Variants in CACNA2D3 observed in about 807,000 individuals in gnomAD.
CACNA2D3 encodes calcium voltage-gated channel auxiliary subunit alpha2delta 3.
Under a neutral mutation model 160.6 loss-of-function variants are expected in CACNA2D3, and 60 were observed. The ratio of observed to expected loss-of-function variants is 0.37; its 90% confidence interval spans 0.30 to 0.46. CACNA2D3 has a LOEUF of 0.46. CACNA2D3 is among the 20% of genes least tolerant of loss of function. CACNA2D3 has a pLI of 1.00. For synonymous variants in CACNA2D3, 558 were observed against 492.9 expected (o/e 1.13, Z -1.75); for missense variants, 1,205 against 1,365.0 (o/e 0.88, Z 1.85).
chr3:54,674,185 C>T (rs1352783721), intron 11 of CACNA2D3, among the ~76,000 whole-genome samples: 2 of 152,186 alleles, frequency 1.3e-5, no homozygotes, highest in African/African-American at 2.4e-5. Context: ...TTTTAGCCAG[C>T]AAAAGCTTTG....
chr3:54,942,865 A>G (rs548959377), intron 27 of CACNA2D3, among the ~76,000 whole-genome samples: 5 of 152,230 alleles, frequency 3.3e-5, no homozygotes, highest in Admixed American at 2.0e-4. Flanking sequence ...TCTACTAAAA[A>G]TACAAAAAAT....
intron 2 of CACNA2D3, among the ~76,000 whole-genome samples, chr3:54,293,551 A>C (rs1395096977): frequency 1.5e-5 from 2 of 134,862 alleles, no homozygotes; most frequent in East Asian, 2.5e-4. Flanking sequence ...TTCATGACTG[A>C]GTAATATTCT....
chr3:55,004,210 C>T (rs1038290066), intron 31 of CACNA2D3, among the ~76,000 whole-genome samples: 1 of 152,176 alleles, frequency 6.6e-6, no homozygotes, highest in Admixed American at 6.5e-5. Flanking sequence ...TACATTCACT[C>T]TTATGGTGAT....
intron 11 of CACNA2D3, among the ~76,000 whole-genome samples, chr3:54,750,562 C>T (rs764489364): frequency 3.9e-5 from 6 of 152,098 alleles, no homozygotes; most frequent in Non-Finnish European, 8.8e-5. Flanking sequence ...AAGCAGATAC[C>T]AGTGCTATCC....
intron 11 of CACNA2D3, among the ~76,000 whole-genome samples, chr3:54,724,637 C>T (rs1226068035): frequency 1.3e-5 from 2 of 152,162 alleles, no homozygotes; most frequent in Non-Finnish European, 2.9e-5. Flanking sequence ...CACACAGCTA[C>T]ATGGAAACTG....
At chr3:54,620,514 C>A (rs756796862) in intron 9 of CACNA2D3, among the ~76,000 whole-genome samples, 1 of 152,160 alleles carries the variant, frequency 6.6e-6, no homozygotes, top group African/African-American at 2.4e-5. Flanking sequence ...CTGGATTTCA[C>A]GTACAAATCA....
intron 2 of CACNA2D3, among the ~76,000 whole-genome samples, chr3:54,279,480 C>G (rs1217436688): frequency 6.6e-6 from 1 of 152,186 alleles, no homozygotes; most frequent in African/African-American, 2.4e-5. Flanking sequence ...TGGTACTACG[C>G]TCTTCCCAGA....
intron 4 of CACNA2D3, among the ~76,000 whole-genome samples, chr3:54,490,768 G>A (rs762251859): frequency 3.3e-5 from 5 of 152,258 alleles, no homozygotes; most frequent in East Asian, 1.9e-4. Context: ...CAAAGAACCC[G>A]CCAGTTTCCC....
At chr3:54,587,409 T>G (rs1302204460) in intron 9 of CACNA2D3, among the ~76,000 whole-genome samples, 1 of 151,920 alleles carries the variant, frequency 6.6e-6, no homozygotes, top group African/African-American at 2.4e-5. Flanking sequence ...ATGCAGAAAT[T>G]AACTGGGTGT....
In CACNA2D3 at chr3:54,554,870, C is replaced by CTTTTTTTTTTTTTTTTT. The variant is rs66526065; in HGVS notation, c.545-7925_545-7909dup. 1.7e-3 allele frequency among the ~76,000 whole-genome samples: 166 copies of CTTTTTTTTTTTTTTTTT among 96,124 alleles called. 6 individuals carry two copies. The highest frequency in any genetic ancestry group is 2.5e-3 in the Non-Finnish European group (130 of 51,484). 63.1% of individuals were successfully genotyped at this position (96,124 alleles called of 152,430 possible). Reference sequence around the variant, plus strand: ...TTTCTTTTCTTTTCTCTCTCACTCTCTTTTTTTTTTTTTTTTTTTTTGGAG... The same window carrying CTTTTTTTTTTTTTTTTT: ...TTTCTTTTCTTTTCTCTCTCACTCTCTTTTTTTTTTTTTTTTTTTTTTTTTTTTTTTTTTTTTTGGAG... On this transcript the variant is annotated intron_variant, in intron 5 of 37. Coordinates refer to ENST00000474759, the MANE Select transcript of CACNA2D3 (RefSeq NM_018398.3).
intron 35 of CACNA2D3, among the ~76,000 whole-genome samples, chr3:55,055,973 T>G (rs542050037): frequency 3.9e-5 from 6 of 152,226 alleles, no homozygotes; most frequent in African/African-American, 1.2e-4. Context: ...AAAAAGCTTC[T>G]TAACAGCAAA....
chr3:54,244,143 G>C (rs1036394989), intron 2 of CACNA2D3, among the ~76,000 whole-genome samples: 3 of 152,082 alleles, frequency 2.0e-5, no homozygotes, highest in African/African-American at 7.2e-5. Flanking sequence ...ACAGCACTGC[G>C]ACCGTGGAGT....
chr3:54,348,720 CTGT>C (rs1380342329), intron 3 of CACNA2D3, among the ~76,000 whole-genome samples: 1 of 152,118 alleles, frequency 6.6e-6, no homozygotes, highest in East Asian at 1.9e-4. Flanking sequence ...CTAATTGTGA[CTGT>C]TGTTTTTTTA....
intron 9 of CACNA2D3, among the ~76,000 whole-genome samples, chr3:54,611,463 C>T (rs1290547373): frequency 6.6e-6 from 1 of 152,194 alleles, no homozygotes; most frequent in African/African-American, 2.4e-5. Context: ...TAGCCAGGTG[C>T]TCTTTTGTCT....
intron 5 of CACNA2D3, among the ~76,000 whole-genome samples, chr3:54,552,770 G>A (rs960995518): frequency 1.3e-5 from 2 of 152,126 alleles, no homozygotes; most frequent in African/African-American, 4.8e-5. Context: ...CTTGTGAATG[G>A]TTTATTCCAG....
At position 54,302,332 on chromosome 3, in the gene CACNA2D3, G is replaced by C. The variant is rs76058460; in HGVS notation, c.205-18110G>C. Among the ~76,000 whole-genome samples the C allele has an allele frequency of 8.5e-3, 1,298 of 152,274 alleles. 21 individuals carry two copies. The highest frequency in any genetic ancestry group is 0.049 in the Admixed American group (757 of 15,298). On this transcript the variant is annotated intron_variant, in intron 2 of 37. Transcript: ENST00000474759. Reference sequence around the variant, plus strand: ...AAGGATTGAAGATGTGGAAGTGGTTGGTGTAGCTCAGGGGTCTGTATTTAA... The same window carrying C: ...AAGGATTGAAGATGTGGAAGTGGTTCGTGTAGCTCAGGGGTCTGTATTTAA...
chr3:54,247,547 A>C (rs930156548), intron 2 of CACNA2D3, among the ~76,000 whole-genome samples: 1 of 152,192 alleles, frequency 6.6e-6, no homozygotes, highest in Admixed American at 6.5e-5. Flanking sequence ...GCCTTAAATT[A>C]AGTAGAAGGT....
Position 55,074,290 on chromosome 3 carries a change from C to T in CACNA2D3, c.*84C>T, listed in dbSNP as rs1448494095. ...ATAAACTGTGAACCAAAATATGGTG[C>T]AACATACGAGACATGAATATAGTCC... On this transcript the variant is annotated 3_prime_UTR_variant, in exon 38 of 38. Coordinates refer to ENST00000474759, the MANE Select transcript of CACNA2D3 (RefSeq NM_018398.3). The T allele has an allele frequency of 9.3e-7, 1 of 1,072,296 alleles. No homozygotes were observed. The highest frequency in any genetic ancestry group is 1.5e-6 in the Non-Finnish European group (1 of 688,698). The allele number at this position is 1,072,296 out of a possible 1,614,324, so 66.4% of individuals were successfully genotyped here.
At chr3:54,471,262 C>T (rs1364183382) in intron 4 of CACNA2D3, among the ~76,000 whole-genome samples, 2 of 152,200 alleles carry the variant, frequency 1.3e-5, no homozygotes, top group Non-Finnish European at 2.9e-5. Flanking sequence ...CAAAACCACA[C>T]AACTACATGG....
Sources: gnomAD v4.1 joint callset for allele counts (sites outside exome capture counted in the v4.1 genomes callset) on GRCh38, gnomAD v4.1.1 for gene constraint, MANE v1.5 for transcripts, NCBI Gene and HGNC (gene_info 2026-07-23, HGNC 2026-07-21) for gene names.